AKR1C8: variants seen among roughly 807,000 people sequenced by gnomAD.
AKR1C8 encodes the protein aldo-keto reductase family 1 member C8, also known as aldo-keto reductase family 1 member C-like protein 1.
At chr10:5,125,802 G>A in the AKR1C8 span, among the ~76,000 whole-genome samples, 3 of 152,162 alleles carry the variant, frequency 2.0e-5, no homozygotes, top group Non-Finnish European at 4.4e-5. Flanking sequence ...CCACTGCTGG[G>A]AGACATGAAG....
chr10:5,118,767 G>A, the AKR1C8 span, among the ~76,000 whole-genome samples: 19 of 152,238 alleles, frequency 1.2e-4, no homozygotes, highest in African/African-American at 4.3e-4. Flanking sequence ...TTGATTTTTA[G>A]TGAAACATCA....
the AKR1C8 span, among the ~76,000 whole-genome samples, chr10:5,148,959 G>A: frequency 6.6e-6 from 1 of 152,032 alleles, no homozygotes; most frequent in African/African-American, 2.4e-5. Context: ...TAGAAAAAAA[G>A]ATGCCAAGGT....
chr10:5,142,980 G>A, the AKR1C8 span, among the ~76,000 whole-genome samples: 1 of 152,056 alleles, frequency 6.6e-6, no homozygotes, highest in Non-Finnish European at 1.5e-5. Context: ...GGTGTACTGT[G>A]TTCATAAATG....
the AKR1C8 span, among the ~76,000 whole-genome samples, chr10:5,140,794 G>A: frequency 7.1e-6 from 1 of 140,000 alleles, no homozygotes; most frequent in South Asian, 2.1e-4. Context: ...CAACATACCT[G>A]CACATTGTGC....
the AKR1C8 span, chr10:5,123,513 A>T: frequency 5.4e-6 from 3 of 559,272 alleles, no homozygotes; most frequent in Admixed American, 3.3e-5. Context: ...AAACAGACTA[A>T]GGTGTTCATT....
chr10:5,179,024 A>G, the AKR1C8 span, among the ~76,000 whole-genome samples: 1 of 152,134 alleles, frequency 6.6e-6, no homozygotes, highest in Admixed American at 6.5e-5. Flanking sequence ...TGTCATTATG[A>G]TGTTAGCTGG....
the AKR1C8 span, among the ~76,000 whole-genome samples, chr10:5,138,388 A>G: frequency 2.0e-5 from 3 of 152,154 alleles, no homozygotes; most frequent in East Asian, 5.8e-4. Flanking sequence ...GGCTGTTTGC[A>G]AAAAGAAAAA....
chr10:5,160,727 A>G, the AKR1C8 span: 5 of 430,460 alleles, frequency 1.2e-5, no homozygotes, highest in Admixed American at 1.1e-4. Context: ...CAACTGCTGG[A>G]GCAAAATCCC....
the AKR1C8 span, chr10:5,123,473 G>T: frequency 4.2e-6 from 2 of 471,046 alleles, no homozygotes; most frequent in Non-Finnish European, 7.8e-6. Flanking sequence ...GAAGCCCTGA[G>T]GCTGGATTCA....
At chr10:5,120,769 G>A in the AKR1C8 span, among the ~76,000 whole-genome samples, 1 of 151,984 alleles carries the variant, frequency 6.6e-6, no homozygotes, top group Admixed American at 6.6e-5. Flanking sequence ...ATATTTTTGG[G>A]GGGGACTGAA....
chr10:5,137,052 T>C, the AKR1C8 span, among the ~76,000 whole-genome samples: 1,256 of 152,296 alleles, frequency 8.2e-3, 15 homozygotes, highest in African/African-American at 0.028. Context: ...AGGTAAGCAA[T>C]AGTATCTGTC....
chr10:5,162,139 G>A, the AKR1C8 span, among the ~76,000 whole-genome samples: 1 of 152,204 alleles, frequency 6.6e-6, no homozygotes, highest in African/African-American at 2.4e-5. Flanking sequence ...AGTCCTTGCT[G>A]GGATACTGAG....
At chr10:5,158,556 A>G in the AKR1C8 span, 1 of 420,494 alleles carries the variant, frequency 2.4e-6, no homozygotes, top group South Asian at 1.8e-5. Context: ...TTTCAGCATC[A>G]GCAGAATTCC....
the AKR1C8 span, among the ~76,000 whole-genome samples, chr10:5,145,226 C>A: frequency 6.6e-6 from 1 of 151,980 alleles, no homozygotes; most frequent in Non-Finnish European, 1.5e-5. Context: ...AACGTTAGAC[C>A]TAAAACCATA....
chr10:5,132,178 T>TG, the AKR1C8 span, among the ~76,000 whole-genome samples: 33,020 of 151,918 alleles, frequency 0.22, 3,748 homozygotes, highest in Middle Eastern at 0.37. Context: ...GACTCAGTGT[T>TG]GGGGGAGGTT....
At chr10:5,165,965 G>A in the AKR1C8 span, among the ~76,000 whole-genome samples, 3 of 151,994 alleles carry the variant, frequency 2.0e-5, no homozygotes, top group African/African-American at 7.2e-5. Flanking sequence ...GCATCCATGG[G>A]TGACTCCTAT....
At chr10:5,167,136 A>C in the AKR1C8 span, among the ~76,000 whole-genome samples, 47 of 152,320 alleles carry the variant, frequency 3.1e-4, no homozygotes, top group African/African-American at 1.0e-3. Context: ...AGGAAACAAC[A>C]GGTGCTGGAG....
chr10:5,133,842 A>G, the AKR1C8 span, among the ~76,000 whole-genome samples: 1 of 152,190 alleles, frequency 6.6e-6, no homozygotes, highest in South Asian at 2.1e-4. Context: ...TGTGTGCATG[A>G]CAGAAGTAAA....
the AKR1C8 span, among the ~76,000 whole-genome samples, chr10:5,145,483 C>T: frequency 6.6e-6 from 1 of 151,924 alleles, no homozygotes; most frequent in Non-Finnish European, 1.5e-5. Context: ...CTACAATGAA[C>T]TCAAACAAAT....
Sources: gnomAD v4.1 joint callset for allele counts (sites outside exome capture counted in the v4.1 genomes callset) on GRCh38, gnomAD v4.1.1 for gene constraint, MANE v1.5 for transcripts, NCBI Gene and HGNC (gene_info 2026-07-23, HGNC 2026-07-21) for gene names.